TMEM204: variants seen among roughly 807,000 people sequenced by gnomAD.
TMEM204 encodes transmembrane protein 204.
TMEM204 carries 15 observed loss-of-function variants against 19.4 expected under a neutral mutation model. The observed-to-expected ratio is 0.77, with a 90% CI of 0.52 to 1.19. The LOEUF (loss-of-function observed/expected upper bound fraction) is 1.19. TMEM204 is among the 50% of genes most tolerant of loss of function. The pLI is 0.00. For missense variants in TMEM204, 287 were observed against 321.2 expected, an observed-to-expected ratio of 0.89 and a Z score of 0.81; for synonymous variants, 161 against 146.0, an observed-to-expected ratio of 1.10 and a Z score of -0.74.
rs2235646 is a variant in TMEM204, at chr16:1,551,286, A to G, written c.437-3496A>G. ...TAAAGACACAATGACCACGGCTGGC[A>G]GGGGTGGGCAGGTGCAACTCTAAGC... On this transcript the variant is annotated intron_variant, in intron 2 of 2. Transcript: ENST00000566264. The surrounding 1 kb of genome is among the most constrained non-coding windows in gnomAD (Gnocchi z 4.0). 0.43 allele frequency among the ~76,000 whole-genome samples: 64,589 copies of G among 151,928 alleles called. 15,244 individuals carry two copies. The highest frequency in any genetic ancestry group is 0.64 in the African/African-American group (26,297 of 41,406).
chr16:1,553,857 C>T lies in TMEM204; in HGVS notation c.437-925C>T, dbSNP rs1439159257. 1.6e-6 allele frequency: 2 copies of T among 1,235,882 alleles called. No individual in the cohort carries two copies. Among genetic ancestry groups the T allele is most frequent in the African/African-American group, 3.1e-5 (2 of 64,054 alleles). The allele number at this position is 1,235,882 out of a possible 1,614,324, so 76.6% of individuals were successfully genotyped here. A position where few individuals can be genotyped will look rare whatever the true frequency, so the allele number is the denominator to read the frequency against. ...CGCTGCGGCCACAGTGTCCTGTTATCCTAGTTGGTAGACTCTAGTCACGAA... is the reference window on the plus strand; with the variant it reads ...CGCTGCGGCCACAGTGTCCTGTTATTCTAGTTGGTAGACTCTAGTCACGAA... On this transcript the variant is annotated intron_variant, in intron 2 of 2. Transcript: ENST00000566264. The surrounding 1 kb of genome is among the most constrained non-coding windows in gnomAD (Gnocchi z 4.4).
intron 2 of TMEM204, among the ~76,000 whole-genome samples, chr16:1,545,816 C>A (rs2032121728): frequency 6.6e-6 from 1 of 152,230 alleles, no homozygotes; most frequent in Non-Finnish European, 1.5e-5. Flanking sequence ...TGCTCTCGCT[C>A]CATGAATGTT....
intron 2 of TMEM204, among the ~76,000 whole-genome samples, chr16:1,549,516 C>T (rs1461033343): frequency 2.0e-5 from 3 of 152,226 alleles, no homozygotes; most frequent in African/African-American, 7.2e-5. Flanking sequence ...GCCGCAAGCT[C>T]TGCCTCCCGG....
At chr16:1,528,724 G>A (rs1983601), upstream of TMEM204, 10,248 of 152,974 alleles carry the variant, frequency 0.067, 599 homozygotes, top group Admixed American at 0.19. Flanking sequence ...CAGCCTCCCC[G>A]CTGGCACGGT....
rs2031682522 is a variant in TMEM204 at position 1,541,924 on chromosome 16, A to T, written c.284A>T (p.Gln95Leu). ...FQESRGTVKL[Q>L]FDMMRACNLV... ...CCTCTCTGCTCTTGGCCCACAGTGCAGTTCGACATGATGCGCGCCTGCAAC... is the reference window on the plus strand; with the variant it reads ...CCTCTCTGCTCTTGGCCCACAGTGCTGTTCGACATGATGCGCGCCTGCAAC... Residue 95 changes from glutamine (Q) to leucine (L), a missense_variant, in exon 2 of 3, where the codon CAG becomes CTG. Physicochemically the swap from Gln to Leu is moderately radical, Grantham distance 113. Transcript: ENST00000566264. The T allele has an allele frequency of 6.3e-7, 1 of 1,598,784 alleles. No homozygotes were observed. The highest frequency in any genetic ancestry group is 8.5e-7 in the Non-Finnish European group (1 of 1,173,056).
Position 1,553,726 on chromosome 16 carries a change from C to T in TMEM204, c.437-1056C>T. ...CATGGCCTCCAGGACAATCTGTGGC[C>T]ACATCCCCATGGCTGTAGGGGATGA... is the stretch of plus-strand genomic sequence containing the variant. On this transcript the variant is annotated intron_variant, in intron 2 of 2. Transcript: ENST00000566264. The surrounding 1 kb of genome is among the most constrained non-coding windows in gnomAD (Gnocchi z 4.4). The T allele has an allele frequency of 1.8e-6, 2 of 1,122,588 alleles. No individual in the cohort carries two copies. Among genetic ancestry groups the T allele is most frequent in the African/African-American group, 3.2e-5 (2 of 61,850 alleles). The allele number at this position is 1,122,588 out of a possible 1,614,324, so 69.5% of individuals were successfully genotyped here.
rs571343826 is a variant in TMEM204 at position 1,539,601 on chromosome 16, C to T, written c.281-2320C>T. ...TCTGTTCCTTCTTTAGAGAGAACCTCGCGGGAGCGCTATGGTTTCTAACTC... is the reference window on the plus strand; with the variant it reads ...TCTGTTCCTTCTTTAGAGAGAACCTTGCGGGAGCGCTATGGTTTCTAACTC... On this transcript the variant is annotated intron_variant, in intron 1 of 2. Transcript: ENST00000566264. Among the ~76,000 whole-genome samples the T allele has an allele frequency of 5.3e-5, 8 of 152,368 alleles. No individual in the cohort carries two copies. The South Asian group carries it at 1.2e-3, about 24-fold the overall frequency.
chr16:1,541,855 T>G, intron 1 of TMEM204, 66 bp from the exon 2 acceptor site: 2 of 1,482,918 alleles, frequency 1.3e-6, no homozygotes, highest in South Asian at 2.7e-5. Context: ...GAAAGTGGCG[T>G]GACGGCTGGC....
intron 1 of TMEM204, among the ~76,000 whole-genome samples, chr16:1,535,720 G>A (rs942897385): frequency 1.3e-5 from 2 of 152,216 alleles, no homozygotes; most frequent in East Asian, 1.9e-4. Context: ...AAGGTCCCAC[G>A]AGGGAATTCA....
chr16:1,533,566 A>G (rs748376883), upstream of TMEM204: 9 of 152,298 alleles, frequency 5.9e-5, no homozygotes, highest in Non-Finnish European at 1.0e-4. This position sits in a 1 kb window ranked among gnomAD's most constrained non-coding sequence, Gnocchi z 4.7. Context: ...CTTTCCCATC[A>G]GGAAGCACAT....
chr16:1,547,758 G>A (rs780341001), intron 2 of TMEM204, among the ~76,000 whole-genome samples: 1 of 152,088 alleles, frequency 6.6e-6, no homozygotes, highest in Non-Finnish European at 1.5e-5. Context: ...CTGGTCTCAA[G>A]CTTCTGACCT....
rs2032681836 is a variant in TMEM204 at position 1,551,965 on chromosome 16, GT to G, written c.437-2816del. ...TCCCTGGTGACGTGTGGCCCGCGCT[GT>G]CCCCCTGCAATGACGGTACCTCCAG... On this transcript the variant is annotated intron_variant, in intron 2 of 2. Coordinates refer to ENST00000566264, the MANE Select transcript of TMEM204 (RefSeq NM_024600.6). The surrounding 1 kb of genome is among the most constrained non-coding windows in gnomAD (Gnocchi z 4.0). Among the ~76,000 whole-genome samples the G allele has an allele frequency of 6.6e-6, 1 of 152,120 alleles. No individual in the cohort carries two copies. The highest frequency in any genetic ancestry group is 6.5e-5 in the Admixed American group (1 of 15,284).
rs867978383 is a variant in TMEM204, at chr16:1,533,811, C to T, written c.-465C>T. ...GCAGCACAGAGGAGCTGTGAACCCG[C>T]TCCACACCGGCCACCCTGCCCGGAG... On this transcript the variant is annotated 5_prime_UTR_variant, in exon 1 of 3. Coordinates refer to ENST00000566264, the MANE Select transcript of TMEM204 (RefSeq NM_024600.6). This position sits in a 1 kb window ranked among gnomAD's most constrained non-coding sequence, Gnocchi z 4.7. The T allele has an allele frequency of 1.4e-5, 3 of 217,340 alleles. No individual in the cohort carries two copies. The South Asian group carries it at 2.0e-4, about 14-fold the overall frequency. 13.5% of individuals were successfully genotyped at this position (217,340 alleles called of 1,614,324 possible).
chr16:1,544,519 G>A (rs183189026), intron 2 of TMEM204, among the ~76,000 whole-genome samples: 470 of 152,064 alleles, frequency 3.1e-3, no homozygotes, highest in Non-Finnish European at 3.7e-3. Flanking sequence ...TAGTAGAGAC[G>A]GGGTTTCACC....
intron 1 of TMEM204, among the ~76,000 whole-genome samples, chr16:1,537,183 A>T (rs2031158972): frequency 6.6e-6 from 1 of 152,144 alleles, no homozygotes; most frequent in African/African-American, 2.4e-5. Flanking sequence ...GGGGTGGGGC[A>T]AGCCAGGGAA....
Position 1,534,388 on chromosome 16 carries a change from G to C in TMEM204, c.113G>C (p.Gly38Ala). Residue 38 changes from glycine (G) to alanine (A), a missense_variant, in exon 1 of 3, where the codon GGG becomes GCG. By Grantham distance (60) the Gly-to-Ala change is moderately conservative. Coordinates refer to ENST00000566264, the MANE Select transcript of TMEM204 (RefSeq NM_024600.6). The part of the protein sequence containing the change: ...SNWVCQTLED[G>A]RRRSVGLWRS... The stretch of plus-strand genomic sequence containing the variant: ...TGGGTGTGCCAGACGCTGGAGGATG[G>C]GCGCAGGCGCAGCGTGGGGCTGTGG... 1 of 1,612,778 alleles carries C rather than the reference G, an allele frequency of 6.2e-7. No homozygotes were observed. The highest frequency in any genetic ancestry group is 8.5e-7 in the Non-Finnish European group (1 of 1,179,888).
chr16:1,554,595 C>CGT (rs1408806351), intron 2 of TMEM204, among the ~76,000 whole-genome samples, 187 bp from the exon 3 acceptor site: 1 of 152,094 alleles, frequency 6.6e-6, no homozygotes, highest in African/African-American at 2.4e-5. Context: ...GCAGCCGCCC[C>CGT]GTAAAGCAGG....
intron 2 of TMEM204, among the ~76,000 whole-genome samples, chr16:1,542,346 C>T (rs756662642): frequency 7.9e-5 from 12 of 152,382 alleles, no homozygotes; most frequent in Non-Finnish European, 1.5e-4. Flanking sequence ...ACTTTAAAGG[C>T]TGAGGCACTT....
At chr16:1,554,271 G>C (rs369062740) in intron 2 of TMEM204, 1 of 437,330 alleles carries the variant, frequency 2.3e-6, no homozygotes, top group African/African-American at 2.1e-5. Context: ...CTCTGGGCGC[G>C]ATGAGCACCA....
Sources: allele counts gnomAD v4.1 joint callset (sites outside exome capture counted in the v4.1 genomes callset), GRCh38; gene constraint gnomAD v4.1.1; non-coding constraint Gnocchi (gnomAD v3.1); transcripts MANE v1.5; gene names NCBI Gene and HGNC (gene_info 2026-07-23, HGNC 2026-07-21).